Variants in ST8SIA6 observed in about 807,000 individuals in gnomAD.
ST8SIA6 encodes ST8 alpha-N-acetyl-neuraminide alpha-2,8-sialyltransferase 6.
In ST8SIA6, 39 loss-of-function variants were observed where a neutral mutation model predicts 33.6. The ratio of observed to expected loss-of-function variants is 1.16; its 90% CI spans 0.90 to 1.52. The LOEUF (loss-of-function observed/expected upper bound fraction) is 1.52, where lower values mean the gene tolerates loss of function less well. ST8SIA6 is among the 40% of genes most tolerant of loss of function. The pLI is 0.00. For synonymous variants in ST8SIA6, 172 were observed against 167.2 expected (o/e 1.03, Z -0.22); for missense variants, 441 against 443.8 (o/e 0.99, Z 0.06).
intron 2 of ST8SIA6, among the ~76,000 whole-genome samples, chr10:17,433,017 C>G (rs1852150101): frequency 6.6e-6 from 1 of 152,192 alleles, no homozygotes. Context: ...TCCCTGGAGT[C>G]TCTCTGAATC....
At chr10:17,432,894 G>A (rs1198995550) in intron 2 of ST8SIA6, among the ~76,000 whole-genome samples, 4 of 152,068 alleles carry the variant, frequency 2.6e-5, no homozygotes, top group Non-Finnish European at 5.9e-5. Context: ...TAAGACAAAC[G>A]CCAACCTGTA....
chr10:17,376,418 T>A (rs1040360950), intron 3 of ST8SIA6, among the ~76,000 whole-genome samples: 1 of 152,012 alleles, frequency 6.6e-6, no homozygotes, highest in African/African-American at 2.4e-5. Flanking sequence ...AACCAAATGG[T>A]AGAAACTGAA....
At chr10:17,450,395 C>T (rs1003716733) in intron 2 of ST8SIA6, among the ~76,000 whole-genome samples, 5 of 152,098 alleles carry the variant, frequency 3.3e-5, no homozygotes, top group Admixed American at 6.5e-5. Context: ...AACTCTTGAC[C>T]GCTGCATCAC....
chr10:17,417,514 C>T (rs747466988), intron 2 of ST8SIA6, among the ~76,000 whole-genome samples: 4 of 152,190 alleles, frequency 2.6e-5, no homozygotes, highest in African/African-American at 9.6e-5. Flanking sequence ...CTCCCACCCC[C>T]GCCATCAGCA....
intron 3 of ST8SIA6, among the ~76,000 whole-genome samples, chr10:17,378,069 C>T (rs45466696): frequency 0.014 from 2,201 of 152,218 alleles, 29 homozygotes; most frequent in Non-Finnish European, 0.019. Context: ...CTGAAAATTG[C>T]GTGTGTTTAA....
At chr10:17,343,544 G>C (rs907908876) in intron 4 of ST8SIA6, among the ~76,000 whole-genome samples, 3 of 152,100 alleles carry the variant, frequency 2.0e-5, no homozygotes, top group African/African-American at 7.2e-5. Context: ...CAGAAACCAA[G>C]GGAAAAGAAG....
chr10:17,423,383 A>C (rs1851839180), intron 2 of ST8SIA6, among the ~76,000 whole-genome samples: 1 of 152,160 alleles, frequency 6.6e-6, no homozygotes, highest in African/African-American at 2.4e-5. Context: ...CACATAACTT[A>C]ATATTCCTGG....
intron 3 of ST8SIA6, among the ~76,000 whole-genome samples, chr10:17,376,880 A>G (rs185155772): frequency 1.3e-5 from 2 of 152,328 alleles, no homozygotes; most frequent in Admixed American, 6.5e-5. Context: ...AGTAAGAGAA[A>G]GAGTCAAAGA....
Position 17,347,953 on chromosome 10 carries a change from C to CAAAAAAAAAAAAAAAA in ST8SIA6, c.377+11545_377+11560dup, listed in dbSNP as rs55996465. On this transcript the variant is annotated intron_variant, in intron 4 of 7. Coordinates refer to ENST00000377602, the MANE Select transcript of ST8SIA6 (RefSeq NM_001004470.3). The stretch of plus-strand genomic sequence containing the variant: ...CCTAGGCGATGGTGAGACTCTGTCT[C>CAAAAAAAAAAAAAAAA]AAAAAAAAAAAAAAAAAAAAAATTA... Among the ~76,000 whole-genome samples the CAAAAAAAAAAAAAAAA allele has an allele frequency of 1.9e-4, 13 of 68,634 alleles. 1 individual carries two copies. Among genetic ancestry groups the CAAAAAAAAAAAAAAAA allele is most frequent in the Non-Finnish European group, 2.8e-4 (10 of 35,340 alleles). The allele number at this position is 68,634 out of a possible 152,430, so 45.0% of individuals were successfully genotyped here. A position where few individuals can be genotyped will look rare whatever the true frequency, so the allele number is the denominator to read the frequency against.
intron 4 of ST8SIA6, among the ~76,000 whole-genome samples, chr10:17,351,463 T>C (rs975493): frequency 0.19 from 27,328 of 146,648 alleles, 2,887 homozygotes; most frequent in East Asian, 0.49. Flanking sequence ...CTTCATTTTA[T>C]GTTAAATTAT....
rs80300942 is a variant in ST8SIA6, at chr10:17,378,096, T to C, written c.290+12435A>G. On this transcript the variant is annotated intron_variant, in intron 3 of 7. Coordinates refer to ENST00000377602, the MANE Select transcript of ST8SIA6 (RefSeq NM_001004470.3). ...TGTGTTTAATGGAAAGGCATCCCCT[T>C]AAAGAATAGCTGAGAAAAGGTCTTA... Among the ~76,000 whole-genome samples the C allele has an allele frequency of 4.9e-3, 751 of 152,230 alleles. 6 individuals are homozygous for C. The highest frequency in any genetic ancestry group is 0.017 in the African/African-American group (690 of 41,522).
At chr10:17,322,228 AAGAAAAAG>A (rs913779147) in intron 7 of ST8SIA6, among the ~76,000 whole-genome samples, 128 of 130,384 alleles carry the variant, frequency 9.8e-4, no homozygotes, top group African/African-American at 3.9e-3. Flanking sequence ...AAAAGAAAGA[AAGAAAAAG>A]AAAGAGAAAA....
intron 3 of ST8SIA6, among the ~76,000 whole-genome samples, chr10:17,384,652 A>T (rs1464825238): frequency 6.6e-6 from 1 of 151,488 alleles, no homozygotes; most frequent in Admixed American, 6.6e-5. Flanking sequence ...TTTTTTTTCC[A>T]GTTTTCCTAA....
At chr10:17,323,223 A>C in intron 6 of ST8SIA6, 66 bp from the exon 7 acceptor site, 1 of 951,256 alleles carries the variant, frequency 1.1e-6, no homozygotes, top group Non-Finnish European at 1.6e-6. Context: ...ATACACACAT[A>C]TGCGCGCACA....
intron 2 of ST8SIA6, among the ~76,000 whole-genome samples, chr10:17,427,302 G>T (rs1007662983): frequency 1.3e-5 from 2 of 152,202 alleles, no homozygotes; most frequent in African/African-American, 4.8e-5. Flanking sequence ...CTCTCATTAA[G>T]TCTTCTGGGG....
intron 4 of ST8SIA6, among the ~76,000 whole-genome samples, chr10:17,347,953 C>CAAAGAAAAAA (rs1848896100): frequency 1.5e-5 from 1 of 68,640 alleles, no homozygotes; most frequent in African/African-American, 5.5e-5. Context: ...GACTCTGTCT[C>CAAAGAAAAAA]AAAAAAAAAA....
At chr10:17,367,873 T>C (rs912796618) in intron 3 of ST8SIA6, among the ~76,000 whole-genome samples, 4 of 152,166 alleles carry the variant, frequency 2.6e-5, no homozygotes, top group Non-Finnish European at 4.4e-5. Context: ...TCTTAAACCA[T>C]ATATGAGTGG....
At chr10:17,342,436 A>G (rs908244832) in intron 4 of ST8SIA6, among the ~76,000 whole-genome samples, 1 of 152,126 alleles carries the variant, frequency 6.6e-6, no homozygotes, top group Non-Finnish European at 1.5e-5. Context: ...GCACTTGATA[A>G]ATATTTCCTC....
At chr10:17,437,988 T>C (rs1295878072) in intron 2 of ST8SIA6, among the ~76,000 whole-genome samples, 5 of 151,636 alleles carry the variant, frequency 3.3e-5, no homozygotes, top group African/African-American at 1.2e-4. Flanking sequence ...CTCAGCCTCC[T>C]AAAGTGCTGG....
Sources: allele counts gnomAD v4.1 joint callset (sites outside exome capture counted in the v4.1 genomes callset), GRCh38; gene constraint gnomAD v4.1.1; transcripts MANE v1.5; gene names NCBI Gene and HGNC (gene_info 2026-07-23, HGNC 2026-07-21).